BCL11B: variants seen among roughly 807,000 people sequenced by gnomAD.
BCL11B encodes the protein B-cell lymphoma/leukemia 11B.
A neutral mutation model predicts 49.9 loss-of-function variants in BCL11B; 8 were observed. The observed-to-expected ratio is 0.16, with a 90% CI of 0.09 to 0.29. BCL11B has a LOEUF of 0.29. Ranked by LOEUF, BCL11B falls within the 10% of genes least tolerant of loss-of-function variation. BCL11B has a pLI of 1.00. For missense variants in BCL11B, 1,006 were observed against 1,351.0 expected (o/e 0.74, Z 4.00); for synonymous variants, 739 against 637.4 (o/e 1.16, Z -2.40).
At chr14:99,211,140 ACTGAGG>A (rs1258243819) in intron 3 of BCL11B, among the ~76,000 whole-genome samples, 2 of 152,186 alleles carry the variant, frequency 1.3e-5, no homozygotes, top group Non-Finnish European at 2.9e-5. Context: ...AAGTGAGGAA[ACTGAGG>A]CTGGAAGATG....
intron 3 of BCL11B, among the ~76,000 whole-genome samples, chr14:99,188,501 C>A (rs576035011): frequency 2.9e-5 from 4 of 139,292 alleles, no homozygotes; most frequent in African/African-American, 8.2e-5. Context: ...TTGTTTCCTT[C>A]GATATGCAGA....
rs1211586811 is a variant in BCL11B, at chr14:99,232,843, A to C, written c.428-1286T>G. On this transcript the variant is annotated intron_variant, in intron 2 of 3. Coordinates refer to ENST00000357195, the MANE Select transcript of BCL11B (RefSeq NM_138576.4). This position sits in a 1 kb window ranked among gnomAD's most constrained non-coding sequence, Gnocchi z 5.1. ...TCTCTGTAGCCCTGGTTTCTCTAAA[A>C]CATGGGTTATCCAGGATCAAGGCAT... Among the ~76,000 whole-genome samples, 1 of 152,110 alleles carries C rather than the reference A, an allele frequency of 6.6e-6. No homozygotes were observed. Among genetic ancestry groups the C allele is most frequent in the Non-Finnish European group, 1.5e-5 (1 of 67,998 alleles).
In BCL11B at chr14:99,225,364, G is replaced by C. The variant is rs2693697; in HGVS notation, c.640+5981C>G. Among the ~76,000 whole-genome samples the C allele has an allele frequency of 1.4e-4, 21 of 152,218 alleles. No homozygotes were observed. In the East Asian group the frequency reaches 3.1e-3, roughly 22 times the overall value. ...AGACTGACTTGACCTCAGGTCACCC[G>C]AGAAGAACCCATTTCTGGGCCAGTC... On this transcript the variant is annotated intron_variant, in intron 3 of 3. Coordinates refer to ENST00000357195, the MANE Select transcript of BCL11B (RefSeq NM_138576.4).
chr14:99,271,320 C>A lies in BCL11B; in HGVS notation c.-102G>T, dbSNP rs1444087490. The stretch of plus-strand genomic sequence containing the variant: ...GCCGCGCCGCTGCCGCCGCTGCCGC[C>A]GCCGCCGCCGCCGCCGCACCTCCTC... On this transcript the variant is annotated 5_prime_UTR_variant, in exon 1 of 4. Coordinates refer to ENST00000357195, the MANE Select transcript of BCL11B (RefSeq NM_138576.4). 1 of 745,818 alleles carries A rather than the reference C, an allele frequency of 1.3e-6. No individual in the cohort carries two copies. The allele number at this position is 745,818 out of a possible 1,614,324, so 46.2% of individuals were successfully genotyped here.
Position 99,169,450 on chromosome 14 carries a change from CA to C in BCL11B, c.*4700del, listed in dbSNP as rs1886218525. The C allele has an allele frequency of 1.0e-5, 2 of 196,026 alleles. No homozygotes were observed. Among genetic ancestry groups the C allele is most frequent in the Non-Finnish European group, 2.1e-5 (2 of 94,170 alleles). The allele number at this position is 196,026 out of a possible 1,614,324, so 12.1% of individuals were successfully genotyped here. A position where few individuals can be genotyped will look rare whatever the true frequency, so the allele number is the denominator to read the frequency against. ...AAATCTTGTACAGAGAATAAAGGAACAATAAATATTTTACTAAGCCATATTG... is the reference window on the plus strand; with the variant it reads ...AAATCTTGTACAGAGAATAAAGGAACATAAATATTTTACTAAGCCATATTG... On this transcript the variant is annotated 3_prime_UTR_variant, in exon 4 of 4. Coordinates refer to ENST00000357195, the MANE Select transcript of BCL11B (RefSeq NM_138576.4).
intron 3 of BCL11B, among the ~76,000 whole-genome samples, chr14:99,188,372 TG>T (rs1331886542): frequency 1.3e-5 from 2 of 152,226 alleles, no homozygotes; most frequent in Non-Finnish European, 2.9e-5. Flanking sequence ...TTCCCCCCAG[TG>T]GGGTTCAGAG....
intron 2 of BCL11B, among the ~76,000 whole-genome samples, chr14:99,255,465 A>C (rs892107158): frequency 2.0e-5 from 3 of 151,200 alleles, no homozygotes; most frequent in Non-Finnish European, 4.4e-5. Flanking sequence ...AAGGATGAGG[A>C]CAAAGCTGCC....
chr14:99,226,210 A>G (rs986332434), intron 3 of BCL11B, among the ~76,000 whole-genome samples: 1 of 152,246 alleles, frequency 6.6e-6, no homozygotes, highest in Non-Finnish European at 1.5e-5. Context: ...ACATGGAGCC[A>G]GCCCCCATCA....
intron 1 of BCL11B, among the ~76,000 whole-genome samples, chr14:99,270,268 TAGAA>T (rs1252916667): frequency 2.0e-5 from 3 of 151,934 alleles, no homozygotes; most frequent in Non-Finnish European, 2.9e-5. Flanking sequence ...GATACTGAGA[TAGAA>T]AGATGGATAC....
chr14:99,183,226 C>T (rs2693681), intron 3 of BCL11B, among the ~76,000 whole-genome samples: 1 of 151,286 alleles, frequency 6.6e-6, no homozygotes, highest in African/African-American at 2.4e-5. Context: ...CTCGTTTAGA[C>T]CCCACCTAAC....
intron 2 of BCL11B, among the ~76,000 whole-genome samples, chr14:99,253,776 G>T (rs1263185116): frequency 6.6e-6 from 1 of 152,150 alleles, no homozygotes; most frequent in Non-Finnish European, 1.5e-5. Context: ...CTCCCCCAAA[G>T]GATGGGTCCT....
At position 99,213,095 on chromosome 14, in the gene BCL11B, G is replaced by A. The variant is rs751373711; in HGVS notation, c.640+18250C>T. Among the ~76,000 whole-genome samples, 7 of 152,188 alleles carry A rather than the reference G, an allele frequency of 4.6e-5. No individual in the cohort carries two copies. Among genetic ancestry groups the A allele is most frequent in the Non-Finnish European group, 7.3e-5 (5 of 68,028 alleles). On this transcript the variant is annotated intron_variant, in intron 3 of 3. Transcript: ENST00000357195. The surrounding 1 kb of genome is among the most constrained non-coding windows in gnomAD (Gnocchi z 5.1). ...GACCCTGTGCCAGTGCAGAGTGGGG[G>A]ACCTACTGCCATCTGCTTAAAACTC...
At chr14:99,185,239 C>T (rs188836794) in intron 3 of BCL11B, among the ~76,000 whole-genome samples, 1 of 152,162 alleles carries the variant, frequency 6.6e-6, no homozygotes, top group East Asian at 1.9e-4. Flanking sequence ...GAGTTGGAGA[C>T]CAGCCTGGCC....
At chr14:99,223,695 A>C (rs1489189172) in intron 3 of BCL11B, among the ~76,000 whole-genome samples, 1 of 152,326 alleles carries the variant, frequency 6.6e-6, no homozygotes, top group Non-Finnish European at 1.5e-5. Context: ...ACTGGATAAA[A>C]TGAGAGTCAA....
Position 99,173,497 on chromosome 14 carries a change from G to A in BCL11B, c.*654C>T. 1 of 212,002 alleles carries A rather than the reference G, an allele frequency of 4.7e-6. No individual in the cohort carries two copies. Among genetic ancestry groups the A allele is most frequent in the Non-Finnish European group, 9.5e-6 (1 of 105,606 alleles). The allele number at this position is 212,002 out of a possible 1,614,324, so 13.1% of individuals were successfully genotyped here. A position where few individuals can be genotyped will look rare whatever the true frequency, so the allele number is the denominator to read the frequency against. On this transcript the variant is annotated 3_prime_UTR_variant, in exon 4 of 4. Transcript: ENST00000357195. ...TTCCAGTTCTGAAACAAAGTGCTAC[G>A]ACTTGAAAGATTGTTATCCGCTGTA...
rs1208466988 is a variant in BCL11B, at chr14:99,174,106, G to A, written c.*45C>T. On this transcript the variant is annotated 3_prime_UTR_variant, in exon 4 of 4. Transcript: ENST00000357195. ...AGTCAGGTCAGCATTCTCTCGGTTG[G>A]CAACGGTTCCACTGTACAGGTGCGG... 6.3e-7 allele frequency: 1 copy of A among 1,578,236 alleles called. No homozygotes were observed. Among genetic ancestry groups the A allele is most frequent in the South Asian group, 1.1e-5 (1 of 89,464 alleles).
chr14:99,231,487 C>T lies in BCL11B; in HGVS notation c.498G>A (p.Val166=), dbSNP rs763441236. Residue 166 remains valine (V), a synonymous_variant, in exon 3 of 4, where the codon GTG becomes GTA. Transcript: ENST00000357195. This position sits in a 1 kb window ranked among gnomAD's most constrained non-coding sequence, Gnocchi z 8.1. ...IAASSHPHSS[V]ITSPLRALGA... ...CCAGGGCACGCAGAGGTGAAGTGAT[C>T]ACGGATGAGTGAGGGTGGGAGGAGG... The T allele has an allele frequency of 1.9e-6, 3 of 1,601,574 alleles. No individual in the cohort carries two copies. The South Asian group carries it at 3.4e-5, about 18-fold the overall frequency.
intron 3 of BCL11B, among the ~76,000 whole-genome samples, chr14:99,193,247 A>G (rs1887088960): frequency 1.3e-5 from 2 of 152,226 alleles, no homozygotes. Context: ...TGTTGTTTAC[A>G]AAGGTTTCAT....
chr14:99,249,361 G>T (rs1888935059), intron 2 of BCL11B, among the ~76,000 whole-genome samples: 1 of 152,100 alleles, frequency 6.6e-6, no homozygotes, highest in African/African-American at 2.4e-5. Flanking sequence ...GTAAACGTGT[G>T]CCATGGTGGT....
Sources: gnomAD v4.1 joint callset for allele counts (sites outside exome capture counted in the v4.1 genomes callset) on GRCh38, gnomAD v4.1.1 for gene constraint, Gnocchi (gnomAD v3.1) non-coding constraint, MANE v1.5 for transcripts, NCBI Gene and HGNC (gene_info 2026-07-23, HGNC 2026-07-21) for gene names.